The following PML variants were observed in gnomAD, a reference collection of about 807,000 sequenced individuals.
The protein encoded by PML is PML nuclear body scaffold, also known as protein PML.
In PML, 28 loss-of-function variants were observed where a neutral mutation model predicts 65.2. That is an observed-to-expected ratio of 0.43 (90% CI 0.32 to 0.59). The LOEUF (loss-of-function observed/expected upper bound fraction) is 0.59. Ranked by LOEUF, PML falls within the 20% of genes least tolerant of loss-of-function variation. The pLI, the probability that PML is intolerant of heterozygous loss-of-function variation, is 0.08. For synonymous variants in PML, 500 were observed against 508.8 expected, an observed-to-expected ratio of 0.98 and a Z score of 0.23; for missense variants, 1,021 against 1,203.4, an observed-to-expected ratio of 0.85 and a Z score of 2.24.
At chr15:73,999,415 A>G (rs2069656470) in intron 2 of PML, among the ~76,000 whole-genome samples, 1 of 152,222 alleles carries the variant, frequency 6.6e-6, no homozygotes, top group Non-Finnish European at 1.5e-5. Context: ...TTGCTGAACT[A>G]CATATCTGCT....
In PML at chr15:74,037,448, C is replaced by G; in HGVS notation, c.1710+2918C>G. 1 of 985,402 alleles carries G rather than the reference C, an allele frequency of 1.0e-6. No homozygotes were observed. The highest frequency in any genetic ancestry group is 1.2e-6 in the Non-Finnish European group (1 of 829,920). 61.0% of individuals were successfully genotyped at this position (985,402 alleles called of 1,614,324 possible). A position where few individuals can be genotyped will look rare whatever the true frequency, so the allele number is the denominator to read the frequency against. On this transcript the variant is annotated intron_variant, in intron 7 of 8. Coordinates refer to ENST00000268058, the MANE Select transcript of PML (RefSeq NM_033238.3). This position sits in a 1 kb window ranked among gnomAD's most constrained non-coding sequence, Gnocchi z 4.2. Reference sequence around the variant, plus strand: ...ATCTCTCTTGCATCTTCTAATGTATCCACTGCCTTCTGAACTAAACACCCT... The same window carrying G: ...ATCTCTCTTGCATCTTCTAATGTATGCACTGCCTTCTGAACTAAACACCCT...
In PML at chr15:74,042,661, C is replaced by T; in HGVS notation, c.1711-328C>T. On this transcript the variant is annotated intron_variant, in intron 7 of 8. Coordinates refer to ENST00000268058, the MANE Select transcript of PML (RefSeq NM_033238.3). The surrounding 1 kb of genome is among the most constrained non-coding windows in gnomAD (Gnocchi z 5.3). ...CACTTGTGTCAACGCAGGTTCACAG[C>T]TCACACTTAACTGTGCATGCACACA... is the stretch of plus-strand genomic sequence containing the variant. The T allele has an allele frequency of 1.0e-6, 1 of 985,394 alleles. No homozygotes were observed. The highest frequency in any genetic ancestry group is 1.2e-6 in the Non-Finnish European group (1 of 829,886). 61.0% of individuals were successfully genotyped at this position (985,394 alleles called of 1,614,324 possible). A position where few individuals can be genotyped will look rare whatever the true frequency, so the allele number is the denominator to read the frequency against.
At chr15:74,038,531 T>C (rs764986510) in intron 7 of PML, among the ~76,000 whole-genome samples, 1 of 152,086 alleles carries the variant, frequency 6.6e-6, no homozygotes, top group South Asian at 2.1e-4. Context: ...TTAGAAAATA[T>C]ATATTTTAAA....
chr15:73,997,390 G>A (rs1247087498), intron 1 of PML, among the ~76,000 whole-genome samples: 4 of 152,158 alleles, frequency 2.6e-5, no homozygotes, highest in Non-Finnish European at 5.9e-5. Flanking sequence ...TGTCATTGAG[G>A]TCTATCTATG....
chr15:74,008,699 G>A (rs1435395078), intron 2 of PML, among the ~76,000 whole-genome samples: 8 of 149,124 alleles, frequency 5.4e-5, no homozygotes, highest in African/African-American at 1.5e-4. Flanking sequence ...AGATTGCGCC[G>A]ATGCACTCCA....
intron 1 of PML, among the ~76,000 whole-genome samples, chr15:73,997,705 G>A (rs1025783103): frequency 6.6e-6 from 1 of 152,174 alleles, no homozygotes. Context: ...GGTACTTAGT[G>A]TATCTACCTT....
intron 2 of PML, among the ~76,000 whole-genome samples, chr15:74,003,147 A>C (rs1209701048): frequency 6.6e-6 from 1 of 151,190 alleles, no homozygotes; most frequent in East Asian, 1.9e-4. Context: ...AAAAGAAAAA[A>C]AGTGGGCCAG....
intron 2 of PML, among the ~76,000 whole-genome samples, chr15:74,010,352 A>G (rs1297913404): frequency 6.6e-6 from 1 of 151,210 alleles, no homozygotes; most frequent in African/African-American, 2.4e-5. Flanking sequence ...ATTTTTAACA[A>G]GACTTGAAAT....
intron 4 of PML, chr15:74,026,509 A>G (rs2071084148): frequency 6.6e-6 from 1 of 152,106 alleles, no homozygotes; most frequent in Admixed American, 6.6e-5. Flanking sequence ...CTGCATTCCT[A>G]TATACACAAC....
intron 2 of PML, among the ~76,000 whole-genome samples, chr15:74,011,665 T>G (rs991360268): frequency 6.6e-6 from 1 of 152,220 alleles, no homozygotes; most frequent in African/African-American, 2.4e-5. Context: ...ATGCAACCTT[T>G]CCTGTTGACA....
chr15:74,010,964 G>C (rs1386753645), intron 2 of PML, among the ~76,000 whole-genome samples: 2 of 152,224 alleles, frequency 1.3e-5, no homozygotes, highest in African/African-American at 2.4e-5. Flanking sequence ...AGTTTTTTTA[G>C]TTAGTAGCTT....
chr15:74,014,891 T>G (rs1338519044), intron 2 of PML, among the ~76,000 whole-genome samples: 1 of 152,160 alleles, frequency 6.6e-6, no homozygotes, highest in African/African-American at 2.4e-5. Context: ...CGTGGCAGTG[T>G]ACCCACTGCC....
At chr15:74,000,681 G>T (rs761149888) in intron 2 of PML, among the ~76,000 whole-genome samples, 1 of 152,010 alleles carries the variant, frequency 6.6e-6, no homozygotes, top group Non-Finnish European at 1.5e-5. Flanking sequence ...GTAAAGAGTT[G>T]TTTTACTATA....
At chr15:74,017,053 T>G (rs993176673) in intron 2 of PML, among the ~76,000 whole-genome samples, 8 of 151,888 alleles carry the variant, frequency 5.3e-5, no homozygotes, top group African/African-American at 1.9e-4. Context: ...CACCTCGGCC[T>G]CCCAAAGTGC....
At chr15:74,023,767 G>A (rs933888874) in intron 3 of PML, among the ~76,000 whole-genome samples, 1 of 152,158 alleles carries the variant, frequency 6.6e-6, no homozygotes, top group Non-Finnish European at 1.5e-5. Context: ...TTAAGCCACC[G>A]GTGTCTCGGA....
At chr15:74,018,112 G>C (rs2141816292) in intron 2 of PML, among the ~76,000 whole-genome samples, 1 of 152,156 alleles carries the variant, frequency 6.6e-6, no homozygotes, top group East Asian at 1.9e-4. Flanking sequence ...CTGAGATCAG[G>C]AGTTCGAGAC....
intron 1 of PML, among the ~76,000 whole-genome samples, chr15:73,996,901 C>G (rs1595873916): frequency 1.3e-5 from 2 of 152,344 alleles, no homozygotes; most frequent in African/African-American, 4.8e-5. Context: ...AGGATCTTGA[C>G]TGCAAATTGT....
At chr15:74,030,277 G>A (rs1360300480) in intron 4 of PML, among the ~76,000 whole-genome samples, 1 of 152,184 alleles carries the variant, frequency 6.6e-6, no homozygotes, top group African/African-American at 2.4e-5. Context: ...AGAGAAAGAT[G>A]GTGGGGAGGG....
chr15:74,044,304 T>C lies in PML; in HGVS notation c.1945T>C (p.Tyr649His). 1 of 1,614,112 alleles carries C rather than the reference T, an allele frequency of 6.2e-7. No homozygotes were observed. Among genetic ancestry groups the C allele is most frequent in the African/African-American group, 1.3e-5 (1 of 75,050 alleles). ...CCAGCCTGAAGCCTTCTTCAGCATC[T>C]ACTCCAAGGCCGTGTCCCTGGAGGT... Reference protein sequence around the residue: ...VIQPEAFFSIYSKAVSLEVGL... With the variant: ...VIQPEAFFSIHSKAVSLEVGL... Residue 649 changes from tyrosine (Y) to histidine (H), a missense_variant, in exon 9 of 9, where the codon TAC becomes CAC. Transcript: ENST00000268058.
Sources: gnomAD v4.1 joint callset for allele counts (sites outside exome capture counted in the v4.1 genomes callset) on GRCh38, gnomAD v4.1.1 for gene constraint, Gnocchi (gnomAD v3.1) non-coding constraint, MANE v1.5 for transcripts, NCBI Gene and HGNC (gene_info 2026-07-23, HGNC 2026-07-21) for gene names.